GATA4: variants seen among roughly 807,000 people sequenced by gnomAD.
GATA4 encodes the protein GATA binding protein 4.
GATA4 carries 7 observed loss-of-function variants against 37.9 expected under a neutral mutation model. The ratio of observed to expected loss-of-function variants is 0.18; its 90% CI spans 0.11 to 0.35. The LOEUF is 0.35. GATA4 is among the 10% of genes least tolerant of loss of function. GATA4 has a pLI of 1.00. For synonymous variants in GATA4, 372 were observed against 292.6 expected, an observed-to-expected ratio of 1.27 and a Z score of -2.77; for missense variants, 647 against 653.0, an observed-to-expected ratio of 0.99 and a Z score of 0.10.
chr8:11,677,243 G>C (rs1051452557), intron 1 of GATA4, among the ~76,000 whole-genome samples: 1 of 152,232 alleles, frequency 6.6e-6, no homozygotes, highest in Non-Finnish European at 1.5e-5. Context: ...CTGTGGAGAG[G>C]CTTTGAGGCC....
Position 11,758,461 on chromosome 8 carries a change from A to T in GATA4, c.1318A>T (p.Ile440Leu), listed in dbSNP as rs772619099. 2 of 1,614,216 alleles carry T rather than the reference A, an allele frequency of 1.2e-6. No individual in the cohort carries two copies. Among genetic ancestry groups the T allele is most frequent in the East Asian group, 4.5e-5 (2 of 44,884 alleles). ...SLVLADSHGD[I>L]ITA ...GGTCTTGGCCGACAGTCACGGGGAC[A>T]TAATCACTGCGTAATCTTCCCTCTT... Residue 440 changes from isoleucine to leucine, a missense_variant, in exon 7 of 7, where the codon ATA becomes TTA. Around this residue, in one of 5 missense-constraint regions of GATA4, gnomAD observed 184 missense variants for 157.1 expected, o/e 1.17. Transcript: ENST00000532059.
chr8:11,707,971 A>T lies in GATA4; in HGVS notation c.-342A>T. ...TGGGGGACCCGAAGGCTCGTGCGCC[A>T]CCTCCAGGCCTGGACGCTGCCCTCC... On this transcript the variant is annotated 5_prime_UTR_variant, in exon 2 of 7. Transcript: ENST00000532059. The surrounding 1 kb of genome is among the most constrained non-coding windows in gnomAD (Gnocchi z 4.7). 2 of 341,452 alleles carry T rather than the reference A, an allele frequency of 5.9e-6. No homozygotes were observed. The highest frequency in any genetic ancestry group is 5.6e-6 in the Non-Finnish European group (1 of 178,768). The allele number at this position is 341,452 out of a possible 1,614,324, so 21.2% of individuals were successfully genotyped here.
At chr8:11,721,839 T>C (rs935506178) in intron 2 of GATA4, among the ~76,000 whole-genome samples, 1 of 152,166 alleles carries the variant, frequency 6.6e-6, no homozygotes, top group Non-Finnish European at 1.5e-5. Flanking sequence ...GACAATACTA[T>C]GATGCAAGGA....
upstream of GATA4, among the ~76,000 whole-genome samples, chr8:11,688,805 A>G (rs1437582890): frequency 2.6e-5 from 4 of 152,244 alleles, no homozygotes; most frequent in South Asian, 2.1e-4. Flanking sequence ...GATGGCCCCA[A>G]TTAAGAACCT....
chr8:11,738,108 G>C (rs1354349314), intron 2 of GATA4, among the ~76,000 whole-genome samples: 6 of 150,798 alleles, frequency 4.0e-5, no homozygotes, highest in East Asian at 2.0e-4. Context: ...TTGAGCCTGG[G>C]AGGTGGAGGT....
chr8:11,711,644 G>T (rs1317274463), intron 2 of GATA4, among the ~76,000 whole-genome samples: 1 of 151,664 alleles, frequency 6.6e-6, no homozygotes, highest in Non-Finnish European at 1.5e-5. Flanking sequence ...GCCAGGCTTG[G>T]GGTGGCATGC....
intron 2 of GATA4, among the ~76,000 whole-genome samples, chr8:11,730,806 C>T (rs2130200492): frequency 6.6e-6 from 1 of 152,340 alleles, no homozygotes. Flanking sequence ...ACCCAGGTCA[C>T]AGGGACCTGC....
Position 11,681,499 on chromosome 8 carries a change from G to T in GATA4, c.-274+4436G>T, listed in dbSNP as rs865978865. 101 of 815,326 alleles carry T rather than the reference G, an allele frequency of 1.2e-4. 1 individual carries two copies. In the Admixed American group the frequency reaches 6.6e-3, roughly 53 times the overall value. The allele number at this position is 815,326 out of a possible 1,614,324, so 50.5% of individuals were successfully genotyped here. A position where few individuals can be genotyped will look rare whatever the true frequency, so the allele number is the denominator to read the frequency against. The stretch of plus-strand genomic sequence containing the variant: ...CGCGGGGTGCGGCGCTCGCGGGGGG[G>T]GGGGGGGGGATGGGGTCGGTCCCTC... On this transcript the variant is annotated intron_variant, in intron 1 of 6. Transcript: ENST00000528712.
upstream of GATA4, chr8:11,692,493 G>A (rs533249350): frequency 3.0e-6 from 3 of 984,792 alleles, no homozygotes; most frequent in East Asian, 1.1e-4. Context: ...TTCTCCTCCC[G>A]TGCACAGCGT....
At chr8:11,744,774 G>A (rs1192673395) in intron 2 of GATA4, among the ~76,000 whole-genome samples, 1 of 152,190 alleles carries the variant, frequency 6.6e-6, no homozygotes, top group African/African-American at 2.4e-5. Context: ...ACTATTGGAT[G>A]TCTTTAGGAA....
intron 1 of GATA4, among the ~76,000 whole-genome samples, chr8:11,693,594 G>C (rs909330476): frequency 6.9e-6 from 1 of 145,158 alleles, no homozygotes; most frequent in African/African-American, 2.5e-5. Flanking sequence ...GAGAGAGAGA[G>C]ACAGAGGATT....
intron 2 of GATA4, among the ~76,000 whole-genome samples, chr8:11,741,249 G>A (rs1331449168): frequency 1.3e-5 from 2 of 152,072 alleles, no homozygotes; most frequent in African/African-American, 4.8e-5. Context: ...AGGCTGAGGC[G>A]GGAGGATTGC....
At chr8:11,751,667 A>G (rs1253982373) in intron 4 of GATA4, among the ~76,000 whole-genome samples, 1 of 152,238 alleles carries the variant, frequency 6.6e-6, no homozygotes, top group Non-Finnish European at 1.5e-5. Context: ...ATATGGACTG[A>G]CATCTCACAG....
intron 1 of GATA4, among the ~76,000 whole-genome samples, chr8:11,686,200 A>T (rs947781786): frequency 6.9e-6 from 1 of 144,616 alleles, no homozygotes; most frequent in African/African-American, 2.6e-5. Context: ...CCTTCAAAAG[A>T]TCTTGTACTG....
chr8:11,748,822 G>A, intron 2 of GATA4, 94 bp from the exon 3 acceptor site: 2 of 1,440,136 alleles, frequency 1.4e-6, no homozygotes, highest in Non-Finnish European at 2.0e-6. Flanking sequence ...AAAGGGCATT[G>A]TTTCTGTGCG....
intron 1 of GATA4, 116 bp downstream of exon 1, chr8:11,704,420 G>C (rs953609875): frequency 6.6e-6 from 1 of 152,208 alleles, no homozygotes; most frequent in Non-Finnish European, 1.5e-5. Context: ...AAAGAGACGT[G>C]CGCTACTCAC....
intron 2 of GATA4, among the ~76,000 whole-genome samples, chr8:11,743,882 C>G (rs1801889917): frequency 6.6e-6 from 1 of 152,168 alleles, no homozygotes; most frequent in Non-Finnish European, 1.5e-5. Flanking sequence ...TTTGTTTCCT[C>G]TTTAAAAAAA....
chr8:11,716,861 G>T (rs948237137), intron 2 of GATA4, among the ~76,000 whole-genome samples: 5 of 152,262 alleles, frequency 3.3e-5, no homozygotes, highest in Non-Finnish European at 5.9e-5. Flanking sequence ...GCTGAAGCCA[G>T]TTGCAAATGT....
upstream of GATA4, among the ~76,000 whole-genome samples, chr8:11,690,100 A>G (rs1465472767): frequency 6.6e-6 from 1 of 152,222 alleles, no homozygotes; most frequent in Non-Finnish European, 1.5e-5. Flanking sequence ...AGGCTGTCTC[A>G]GGACTGATAA....
Sources: allele counts gnomAD v4.1 joint callset (sites outside exome capture counted in the v4.1 genomes callset), GRCh38; gene constraint gnomAD v4.1.1; regional missense constraint gnomAD v4.1.1; non-coding constraint Gnocchi (gnomAD v3.1); transcripts MANE v1.5; gene names NCBI Gene and HGNC (gene_info 2026-07-23, HGNC 2026-07-21).